The following ARB2A variants were observed in gnomAD, a reference collection of about 807,000 sequenced individuals.
The protein encoded by ARB2A is ARB2 cotranscriptional regulator A, also known as cotranscriptional regulator ARB2A.
At chr5:94,089,269 T>C in the ARB2A span, among the ~76,000 whole-genome samples, 4 of 152,204 alleles carry the variant, frequency 2.6e-5, no homozygotes, top group Non-Finnish European at 5.9e-5. Flanking sequence ...GTGTCCTTTA[T>C]TGGTACACAA....
chr5:94,003,446 T>C, the ARB2A span, among the ~76,000 whole-genome samples: 1 of 152,078 alleles, frequency 6.6e-6, no homozygotes. Flanking sequence ...GTTGTGTACA[T>C]AGGATATCCC....
chr5:93,706,178 G>A, the ARB2A span, among the ~76,000 whole-genome samples: 1 of 152,172 alleles, frequency 6.6e-6, no homozygotes, highest in African/African-American at 2.4e-5. Context: ...CAAACTAAAT[G>A]TGGTGTATCT....
At chr5:93,841,137 G>T in the ARB2A span, among the ~76,000 whole-genome samples, 1 of 152,056 alleles carries the variant, frequency 6.6e-6, no homozygotes, top group Non-Finnish European at 1.5e-5. Context: ...GCATAATAAT[G>T]TTAACTGAAA....
At chr5:93,858,260 C>A in the ARB2A span, among the ~76,000 whole-genome samples, 1 of 152,296 alleles carries the variant, frequency 6.6e-6, no homozygotes, top group African/African-American at 2.4e-5. Context: ...CCACTTCCTA[C>A]CTAGCACCTT....
the ARB2A span, among the ~76,000 whole-genome samples, chr5:93,727,935 T>C: frequency 2.4e-3 from 368 of 152,226 alleles, 1 homozygote; most frequent in African/African-American, 8.5e-3. Context: ...ATGAATCTTT[T>C]CAGAATTCTG....
the ARB2A span, among the ~76,000 whole-genome samples, chr5:93,920,077 A>C: frequency 6.6e-6 from 1 of 152,158 alleles, no homozygotes; most frequent in African/African-American, 2.4e-5. Flanking sequence ...AATCCACAGG[A>C]TTCTCTGTTG....
the ARB2A span, chr5:93,862,507 T>C: frequency 5.9e-5 from 9 of 152,238 alleles, no homozygotes; most frequent in Non-Finnish European, 1.3e-4. Flanking sequence ...AATAATTAGA[T>C]ATCTACTTTG....
chr5:94,035,292 C>T, the ARB2A span, among the ~76,000 whole-genome samples: 2 of 142,686 alleles, frequency 1.4e-5, no homozygotes, highest in Non-Finnish European at 3.1e-5. Context: ...GGAGTCAGTA[C>T]TTCCAAGCCC....
At chr5:93,931,616 T>C in the ARB2A span, among the ~76,000 whole-genome samples, 1 of 152,212 alleles carries the variant, frequency 6.6e-6, no homozygotes, top group Non-Finnish European at 1.5e-5. Context: ...CAATATTTTT[T>C]CTAGTTAATT....
At chr5:93,782,053 C>A in the ARB2A span, 1 of 352,416 alleles carries the variant, frequency 2.8e-6, no homozygotes, top group African/African-American at 2.2e-5. Flanking sequence ...CTGTAATCTT[C>A]TCTACAAGAG....
At chr5:93,619,834 T>C in the ARB2A span, 2 of 152,230 alleles carry the variant, frequency 1.3e-5, no homozygotes, top group Non-Finnish European at 2.9e-5. Flanking sequence ...AATTATACCA[T>C]TGGACTGAGA....
the ARB2A span, among the ~76,000 whole-genome samples, chr5:93,758,211 A>G: frequency 3.5e-4 from 54 of 152,288 alleles, no homozygotes; most frequent in African/African-American, 1.2e-3. Context: ...TCCTAAACAT[A>G]CATGCATCTA....
At chr5:94,078,168 C>T in the ARB2A span, among the ~76,000 whole-genome samples, 1 of 152,108 alleles carries the variant, frequency 6.6e-6, no homozygotes, top group South Asian at 2.1e-4. Context: ...GCAACAGAAG[C>T]CCTTTTCATC....
the ARB2A span, among the ~76,000 whole-genome samples, chr5:94,062,266 A>C: frequency 6.6e-6 from 1 of 152,196 alleles, no homozygotes; most frequent in Non-Finnish European, 1.5e-5. Context: ...AATTTAACTC[A>C]AAATGAGGGG....
chr5:93,892,770 C>T, the ARB2A span, among the ~76,000 whole-genome samples: 2 of 152,114 alleles, frequency 1.3e-5, no homozygotes, highest in Admixed American at 1.3e-4. Context: ...ACAACTGTTG[C>T]AAAATTTACT....
the ARB2A span, among the ~76,000 whole-genome samples, chr5:93,875,451 C>T: frequency 6.6e-6 from 1 of 152,178 alleles, no homozygotes; most frequent in Non-Finnish European, 1.5e-5. Context: ...AGGCTGGTCT[C>T]GAACTCCTGA....
At chr5:93,905,025 T>C in the ARB2A span, among the ~76,000 whole-genome samples, 1 of 151,738 alleles carries the variant, frequency 6.6e-6, no homozygotes, top group African/African-American at 2.4e-5. Context: ...TACATTTAAT[T>C]TCATGCCATT....
chr5:93,628,419 C>T, the ARB2A span, among the ~76,000 whole-genome samples: 3 of 152,176 alleles, frequency 2.0e-5, no homozygotes, highest in Non-Finnish European at 4.4e-5. Context: ...AACTTAAAGT[C>T]ATCAGCTTCA....
the ARB2A span, among the ~76,000 whole-genome samples, chr5:94,015,286 G>A: frequency 6.6e-6 from 1 of 152,046 alleles, no homozygotes; most frequent in Non-Finnish European, 1.5e-5. Flanking sequence ...TAAGCATACT[G>A]TACCCAGCAA....
Sources: gnomAD v4.1 joint callset for allele counts (sites outside exome capture counted in the v4.1 genomes callset) on GRCh38, gnomAD v4.1.1 for gene constraint, MANE v1.5 for transcripts, NCBI Gene and HGNC (gene_info 2026-07-23, HGNC 2026-07-21) for gene names.